RNF168: variants seen among roughly 807,000 people sequenced by gnomAD.
RNF168 encodes E3 ubiquitin-protein ligase RNF168.
In RNF168, 34 loss-of-function variants were observed where a neutral mutation model predicts 34.9. That is an observed-to-expected ratio of 0.97 (90% CI 0.74 to 1.30). The LOEUF is 1.30. Among genes scored for constraint, RNF168 ranks in the 50% most tolerant of loss-of-function variants. RNF168 has a pLI of 0.00. For missense variants in RNF168, 725 were observed against 682.5 expected, an observed-to-expected ratio of 1.06 and a Z score of -0.69; for synonymous variants, 264 against 254.7, an observed-to-expected ratio of 1.04 and a Z score of -0.35.
chr3:196,473,283 A>G (rs1029780673), intron 5 of RNF168, among the ~76,000 whole-genome samples: 8 of 152,244 alleles, frequency 5.3e-5, no homozygotes, highest in African/African-American at 1.9e-4. Flanking sequence ...ACCACTTCTG[A>G]GAATAATGTT....
intron 4 of RNF168, among the ~76,000 whole-genome samples, chr3:196,479,203 G>C (rs1262835657): frequency 1.4e-5 from 2 of 139,552 alleles, no homozygotes; most frequent in Non-Finnish European, 3.1e-5. Context: ...AGTAGAGATG[G>C]GGTTTCGCCA....
chr3:196,487,686 T>A, intron 2 of RNF168, 108 bp from the exon 3 acceptor site: 1 of 1,043,336 alleles, frequency 9.6e-7, no homozygotes, highest in Admixed American at 2.0e-5. Context: ...GGCAGAAATT[T>A]AAATGATCTC....
rs996554036 is a variant in RNF168 at position 196,469,109 on chromosome 3, T to C, written c.*2710A>G. On this transcript the variant is annotated 3_prime_UTR_variant, in exon 6 of 6. Coordinates refer to ENST00000318037, the MANE Select transcript of RNF168 (RefSeq NM_152617.4). ...CCTAAATATATCACACCCTCCTTTTTGGTCACAGACTATTCCAGGAAGATT... is the reference window on the plus strand; with the variant it reads ...CCTAAATATATCACACCCTCCTTTTCGGTCACAGACTATTCCAGGAAGATT... The C allele has an allele frequency of 1.3e-5, 2 of 152,194 alleles. No homozygotes were observed. The highest frequency in any genetic ancestry group is 3.8e-4 in the East Asian group (2 of 5,202). 9.4% of individuals were successfully genotyped at this position (152,194 alleles called of 1,614,324 possible).
chr3:196,502,396 G>A (rs1037974118), intron 1 of RNF168, among the ~76,000 whole-genome samples: 3 of 152,108 alleles, frequency 2.0e-5, no homozygotes, highest in Middle Eastern at 3.2e-3. Context: ...AGATCAGCCT[G>A]GCCAACATGG....
chr3:196,499,548 C>T (rs1438423028), intron 1 of RNF168, among the ~76,000 whole-genome samples: 1 of 152,134 alleles, frequency 6.6e-6, no homozygotes, highest in Non-Finnish European at 1.5e-5. Context: ...ACAGCCCGGA[C>T]GCGGTGGCTC....
intron 4 of RNF168, among the ~76,000 whole-genome samples, chr3:196,477,394 T>C (rs778397891): frequency 2.6e-5 from 4 of 152,172 alleles, no homozygotes; most frequent in Admixed American, 1.3e-4. Flanking sequence ...AAGTAGCATA[T>C]GGAACAATCA....
intron 1 of RNF168, among the ~76,000 whole-genome samples, chr3:196,495,037 A>G (rs1454863722): frequency 6.6e-6 from 1 of 151,982 alleles, no homozygotes; most frequent in Non-Finnish European, 1.5e-5. Flanking sequence ...ATAAAATAAC[A>G]TAAACTAAAT....
chr3:196,479,998 A>C (rs1175912592), intron 4 of RNF168, among the ~76,000 whole-genome samples: 1 of 152,216 alleles, frequency 6.6e-6, no homozygotes, highest in African/African-American at 2.4e-5. Context: ...ATCACAGTAC[A>C]GCACGGTCAC....
chr3:196,494,089 T>C (rs1732677695), intron 1 of RNF168, among the ~76,000 whole-genome samples: 1 of 122,104 alleles, frequency 8.2e-6, no homozygotes, highest in South Asian at 2.4e-4. Flanking sequence ...GCTCAAGCGA[T>C]TTGCCTGCCT....
Position 196,472,751 on chromosome 3 carries a change from T to G in RNF168, c.784A>C (p.Lys262Gln). 6.2e-7 allele frequency: 1 copy of G among 1,608,826 alleles called. No homozygotes were observed. The highest frequency in any genetic ancestry group is 8.5e-7 in the Non-Finnish European group (1 of 1,175,518). Residue 262 changes from lysine to glutamine, a missense_variant, in exon 6 of 6, where the codon AAA becomes CAA. Transcript: ENST00000318037. ...VSKDIDSSDR[K>Q]SPTGQDTEIE... ...TCTGTGTCTTGCCCTGTTGGGCTTT[T>G]CCTATCACTACTGTCAATGTCCTGT...
intron 4 of RNF168, among the ~76,000 whole-genome samples, chr3:196,478,146 T>C (rs1185312882): frequency 6.6e-6 from 1 of 152,208 alleles, no homozygotes; most frequent in Non-Finnish European, 1.5e-5. Context: ...AAGAACTTTT[T>C]TTTTTCTTTT....
At chr3:196,490,874 T>A (rs1732578717) in intron 1 of RNF168, among the ~76,000 whole-genome samples, 1 of 152,224 alleles carries the variant, frequency 6.6e-6, no homozygotes, top group African/African-American at 2.4e-5. Flanking sequence ...GAGAGACATA[T>A]ATAAGGCTCC....
chr3:196,486,969 T>A (rs1424296625), intron 3 of RNF168, among the ~76,000 whole-genome samples: 1 of 152,100 alleles, frequency 6.6e-6, no homozygotes, highest in Non-Finnish European at 1.5e-5. Flanking sequence ...GTTGGAAGGA[T>A]CACCGGAGCC....
chr3:196,501,201 T>C (rs1007910512), intron 1 of RNF168, among the ~76,000 whole-genome samples: 8 of 152,106 alleles, frequency 5.3e-5, no homozygotes, highest in Admixed American at 1.3e-4. Flanking sequence ...AGAATTACCA[T>C]AGGATCCAGC....
chr3:196,470,753 G>A lies in RNF168; in HGVS notation c.*1066C>T, dbSNP rs181151313. On this transcript the variant is annotated 3_prime_UTR_variant, in exon 6 of 6. Transcript: ENST00000318037. ...TCTGTTTCAATGATCTGGACTGTCAGTCACCCCATCCAGCCTCATCCCAGC... is the reference window on the plus strand; with the variant it reads ...TCTGTTTCAATGATCTGGACTGTCAATCACCCCATCCAGCCTCATCCCAGC... 6.5e-6 allele frequency: 1 copy of A among 152,944 alleles called. No individual in the cohort carries two copies. 9.5% of individuals were successfully genotyped at this position (152,944 alleles called of 1,614,324 possible).
chr3:196,475,857 T>TC (rs386398996), intron 4 of RNF168, among the ~76,000 whole-genome samples: 1 of 147,350 alleles, frequency 6.8e-6, no homozygotes, highest in Non-Finnish European at 1.5e-5. Flanking sequence ...GCTAAATATT[T>TC]TTTTTTCTTT....
chr3:196,491,658 A>C (rs1323362169), intron 1 of RNF168, among the ~76,000 whole-genome samples: 2 of 152,200 alleles, frequency 1.3e-5, no homozygotes, highest in Non-Finnish European at 2.9e-5. Context: ...AAACAAACAA[A>C]AACACATGTT....
In RNF168 at chr3:196,469,792, G is replaced by A. The variant is rs1055189179; in HGVS notation, c.*2027C>T. ...AAATGATCATATAAGAAAACACGTG[G>A]TTATGTTTCAGGTTCCACAACATAA... On this transcript the variant is annotated 3_prime_UTR_variant, in exon 6 of 6. Transcript: ENST00000318037. The A allele has an allele frequency of 9.9e-5, 15 of 152,168 alleles. No individual in the cohort carries two copies. Among genetic ancestry groups the A allele is most frequent in the African/African-American group, 3.4e-4 (14 of 41,432 alleles). The allele number at this position is 152,168 out of a possible 1,614,324, so 9.4% of individuals were successfully genotyped here. A position where few individuals can be genotyped will look rare whatever the true frequency, so the allele number is the denominator to read the frequency against.
chr3:196,492,998 T>C (rs1221155346), intron 1 of RNF168, among the ~76,000 whole-genome samples: 2 of 151,964 alleles, frequency 1.3e-5, no homozygotes, highest in Non-Finnish European at 2.9e-5. Context: ...AACAAAACTA[T>C]AAACGACTAA....
Sources: gnomAD v4.1 joint callset for allele counts (sites outside exome capture counted in the v4.1 genomes callset) on GRCh38, gnomAD v4.1.1 for gene constraint, MANE v1.5 for transcripts, NCBI Gene and HGNC (gene_info 2026-07-23, HGNC 2026-07-21) for gene names.